Variants in DPP10 observed in about 807,000 individuals in gnomAD.
DPP10 encodes dipeptidyl peptidase like 10, also known as inactive dipeptidyl peptidase 10.
A neutral mutation model predicts 120.9 loss-of-function variants in DPP10; 33 were observed. That is an observed-to-expected ratio of 0.27 (90% CI 0.21 to 0.37). The LOEUF (loss-of-function observed/expected upper bound fraction) is 0.37. Among genes scored for constraint, DPP10 ranks in the 10% least tolerant of loss-of-function variants. The pLI is 1.00. For synonymous variants in DPP10, 337 were observed against 326.1 expected (o/e 1.03, Z -0.36); for missense variants, 816 against 942.8 (o/e 0.87, Z 1.76).
At chr2:114,872,142 C>T (rs1051708051) in intron 1 of DPP10, among the ~76,000 whole-genome samples, 3 of 152,108 alleles carry the variant, frequency 2.0e-5, no homozygotes, top group Non-Finnish European at 4.4e-5. Flanking sequence ...ATACCCAAGA[C>T]TCGGTAATTT....
At chr2:115,574,859 C>T (rs531375922) in intron 5 of DPP10, among the ~76,000 whole-genome samples, 117 of 152,120 alleles carry the variant, frequency 7.7e-4, no homozygotes, top group Non-Finnish European at 1.3e-3. Flanking sequence ...CAGTGTTGTC[C>T]GTGGCGGCTT....
chr2:115,476,825 C>T (rs973861385), intron 3 of DPP10, among the ~76,000 whole-genome samples: 21 of 152,014 alleles, frequency 1.4e-4, no homozygotes, highest in African/African-American at 4.8e-4. Flanking sequence ...ACACCATGAC[C>T]CACTGGGATT....
Position 115,010,078 on chromosome 2 carries a change from C to A in DPP10, c.61-299161C>A, listed in dbSNP as rs1456296653. 2.0e-5 allele frequency among the ~76,000 whole-genome samples: 3 copies of A among 152,048 alleles called. No homozygotes were observed. In the East Asian group the frequency reaches 5.8e-4, roughly 29 times the overall value. ...ATTTACGATTTTTACAAGTATGCAA[C>A]TTTATGATTTTAATAAACCTTACTT... On this transcript the variant is annotated intron_variant, in intron 1 of 25. Coordinates refer to ENST00000410059, the MANE Select transcript of DPP10 (RefSeq NM_020868.6).
chr2:115,180,598 G>A (rs968927514), intron 1 of DPP10, among the ~76,000 whole-genome samples: 2 of 152,234 alleles, frequency 1.3e-5, no homozygotes, highest in African/African-American at 2.4e-5. Context: ...AGTGTTTGGC[G>A]GAGTACCAAG....
chr2:114,978,727 T>C (rs2104839290), intron 1 of DPP10, among the ~76,000 whole-genome samples: 1 of 152,274 alleles, frequency 6.6e-6, no homozygotes, highest in East Asian at 1.9e-4. Context: ...AAATAAAAAA[T>C]GACACTAATA....
intron 5 of DPP10, among the ~76,000 whole-genome samples, chr2:115,651,940 C>G (rs898947993): frequency 2.0e-5 from 3 of 151,768 alleles, no homozygotes; most frequent in Non-Finnish European, 4.4e-5. Flanking sequence ...TCAAAGTTTC[C>G]CTGAAGCACA....
chr2:114,870,919 C>G (rs1019693081), intron 1 of DPP10, among the ~76,000 whole-genome samples: 1 of 135,006 alleles, frequency 7.4e-6, no homozygotes, highest in African/African-American at 2.6e-5. Flanking sequence ...ACTGGGAATC[C>G]TAAAAGGGTT....
intron 1 of DPP10, among the ~76,000 whole-genome samples, chr2:114,519,111 T>C (rs1017912107): frequency 3.3e-5 from 5 of 152,244 alleles, no homozygotes; most frequent in Admixed American, 6.5e-5. Flanking sequence ...CATTCATTGA[T>C]AGGAATTGTT....
intron 10 of DPP10, among the ~76,000 whole-genome samples, chr2:115,750,761 T>G (rs995496442): frequency 6.6e-5 from 10 of 152,140 alleles, no homozygotes; most frequent in African/African-American, 2.2e-4. Context: ...TTCCAAAGAT[T>G]AAGTTCTTTT....
intron 3 of DPP10, among the ~76,000 whole-genome samples, chr2:115,413,692 A>C (rs933990566): frequency 6.6e-6 from 1 of 152,218 alleles, no homozygotes; most frequent in African/African-American, 2.4e-5. Flanking sequence ...CTGATTAGGC[A>C]AGCAAAAATA....
At chr2:115,520,040 C>T (rs189649421) in intron 4 of DPP10, among the ~76,000 whole-genome samples, 55 of 152,192 alleles carry the variant, frequency 3.6e-4, no homozygotes, top group Non-Finnish European at 6.2e-4. Context: ...AAAGGATGGC[C>T]GGGCGTCATG....
rs116163334 is a variant in DPP10 at position 115,086,973 on chromosome 2, T to C, written c.61-222266T>C. Among the ~76,000 whole-genome samples the C allele has an allele frequency of 1.1e-3, 165 of 152,318 alleles. 1 individual carries two copies. The highest frequency in any genetic ancestry group is 3.8e-3 in the African/African-American group (158 of 41,570). ...ACATATACTATAATATCTTCCAAAA[T>C]GTGGTCTTAACTCACGAGAGCAAAC... On this transcript the variant is annotated intron_variant, in intron 1 of 25. Coordinates refer to ENST00000410059, the MANE Select transcript of DPP10 (RefSeq NM_020868.6).
chr2:114,536,385 CTTCT>C (rs1232258442), intron 1 of DPP10, among the ~76,000 whole-genome samples: 2 of 149,290 alleles, frequency 1.3e-5, no homozygotes, highest in African/African-American at 4.9e-5. Flanking sequence ...TTTTTCTTTC[CTTCT>C]TTCTTTCTTT....
chr2:115,384,596 AAGG>A lies in DPP10; in HGVS notation c.271+40689_271+40691del, dbSNP rs200938347. ...GAAGAGGAAGAGGAGGAAAAGGAAG[AAGG>A]AGGAAGAAGAAGTGAAGGAAGAAGA... On this transcript the variant is annotated intron_variant, in intron 3 of 25. Coordinates refer to ENST00000410059, the MANE Select transcript of DPP10 (RefSeq NM_020868.6). Among the ~76,000 whole-genome samples the A allele has an allele frequency of 1.5e-4, 22 of 148,840 alleles. 1 individual carries two copies. The East Asian group carries it at 4.4e-3, about 30-fold the overall frequency.
intron 1 of DPP10, among the ~76,000 whole-genome samples, chr2:115,262,958 A>G (rs910922638): frequency 1.3e-5 from 2 of 152,196 alleles, no homozygotes; most frequent in African/African-American, 4.8e-5. Context: ...TCCTACATTT[A>G]TACCCTTTTC....
intron 1 of DPP10, among the ~76,000 whole-genome samples, chr2:115,053,392 A>G (rs1166316569): frequency 6.6e-6 from 1 of 152,244 alleles, no homozygotes; most frequent in Non-Finnish European, 1.5e-5. Context: ...CGATTCCATT[A>G]TTGTGAAATG....
intron 5 of DPP10, among the ~76,000 whole-genome samples, chr2:115,569,664 C>T (rs894972598): frequency 2.0e-5 from 3 of 152,054 alleles, no homozygotes; most frequent in African/African-American, 7.2e-5. Context: ...ACCTGATAAC[C>T]TTTATTTAAC....
intron 5 of DPP10, among the ~76,000 whole-genome samples, chr2:115,543,453 C>A (rs2079298677): frequency 6.6e-6 from 1 of 151,964 alleles, no homozygotes; most frequent in African/African-American, 2.4e-5. Flanking sequence ...CACAAACATG[C>A]CAATATCAAT....
intron 1 of DPP10, among the ~76,000 whole-genome samples, chr2:115,264,559 T>C (rs1051658589): frequency 6.6e-6 from 1 of 152,210 alleles, no homozygotes; most frequent in Non-Finnish European, 1.5e-5. Flanking sequence ...ATAGAGGCAT[T>C]GTGGCTAAAC....
Sources: gnomAD v4.1 joint callset for allele counts (sites outside exome capture counted in the v4.1 genomes callset) on GRCh38, gnomAD v4.1.1 for gene constraint, MANE v1.5 for transcripts, NCBI Gene and HGNC (gene_info 2026-07-23, HGNC 2026-07-21) for gene names.